Variants in GRIK4 observed in about 807,000 individuals in gnomAD.
GRIK4 encodes glutamate ionotropic receptor kainate type subunit 4, also known as glutamate receptor ionotropic, kainate 4.
GRIK4 carries 40 observed loss-of-function variants against 104.9 expected under a neutral mutation model. The observed-to-expected ratio is 0.38, with a 90% confidence interval of 0.30 to 0.50. The LOEUF is 0.50. Ranked by LOEUF, GRIK4 falls within the 20% of genes least tolerant of loss-of-function variation. The pLI, the probability that GRIK4 is intolerant of heterozygous loss-of-function variation, is 0.93. For missense variants in GRIK4, 1,047 were observed against 1,308.1 expected, an observed-to-expected ratio of 0.80 and a Z score of 3.08; for synonymous variants, 485 against 524.9, an observed-to-expected ratio of 0.92 and a Z score of 1.04.
chr11:120,832,675 C>A (rs1953459839), intron 7 of GRIK4, among the ~76,000 whole-genome samples: 1 of 152,166 alleles, frequency 6.6e-6, no homozygotes, highest in Admixed American at 6.5e-5. Context: ...GGTAGTGTCT[C>A]CTAAGCTCCT....
intron 3 of GRIK4, among the ~76,000 whole-genome samples, chr11:120,793,982 C>T (rs900845957): frequency 9.9e-5 from 14 of 141,154 alleles, no homozygotes; most frequent in African/African-American, 3.2e-4. Context: ...GGCTGAGAGC[C>T]GGGTGATGGT....
chr11:120,728,411 G>A (rs1951069560), intron 3 of GRIK4, among the ~76,000 whole-genome samples: 1 of 152,070 alleles, frequency 6.6e-6, no homozygotes, highest in Non-Finnish European at 1.5e-5. Flanking sequence ...CCCTCCTTCG[G>A]GAATCTGCTA....
rs756422565 is a variant in GRIK4 at position 120,956,892 on chromosome 11, A to G, written c.1813A>G (p.Met605Val). 8.1e-6 allele frequency: 13 copies of G among 1,614,014 alleles called. No homozygotes were observed. In the Admixed American group the frequency reaches 2.2e-4, roughly 27 times the overall value. The change falls in exon 16 of 21, where the codon ATG becomes GTG. Residue 605 changes from methionine (M) to valine (V), a missense_variant. By Grantham distance (21) the Met-to-Val change is conservative (BLOSUM62 1). Coordinates refer to ENST00000527524, the MANE Select transcript of GRIK4 (RefSeq NM_014619.5). This position sits in a 1 kb window ranked among gnomAD's most constrained non-coding sequence, Gnocchi z 4.6. ...NSLWFPVGGFMQQGSTIAPRA... is the reference protein window; with the variant it reads ...NSLWFPVGGFVQQGSTIAPRA... ...CCTCTGGTTTCCGGTCGGGGGGTTC[A>G]TGCAGCAAGGCTCCACCATCGCCCC...
intron 1 of GRIK4, among the ~76,000 whole-genome samples, chr11:120,560,728 T>A (rs1948230552): frequency 6.6e-6 from 1 of 152,198 alleles, no homozygotes; most frequent in African/African-American, 2.4e-5. Flanking sequence ...GTGGCTACCT[T>A]ATTGGGTTGT....
rs1279643648 is a variant in GRIK4 at position 120,660,288 on chromosome 11, C to T, written c.-31C>T. Reference sequence around the variant, plus strand: ...TCGCAGAGTTATGTCATGCCCAGGCCAGCAGGGGGCTCCATGAGGATTCAT... The same window carrying T: ...TCGCAGAGTTATGTCATGCCCAGGCTAGCAGGGGGCTCCATGAGGATTCAT... On this transcript the variant is annotated 5_prime_UTR_variant, in exon 3 of 21. It introduces an in-frame stop codon into an upstream open reading frame of the 5' UTR. Coordinates refer to ENST00000527524, the MANE Select transcript of GRIK4 (RefSeq NM_014619.5). 2.6e-6 allele frequency: 4 copies of T among 1,541,614 alleles called. No individual in the cohort carries two copies. Among genetic ancestry groups the T allele is most frequent in the Non-Finnish European group, 3.6e-6 (4 of 1,115,608 alleles).
At chr11:120,773,824 C>T (rs1951990453) in intron 3 of GRIK4, among the ~76,000 whole-genome samples, 1 of 152,202 alleles carries the variant, frequency 6.6e-6, no homozygotes, top group Non-Finnish European at 1.5e-5. Flanking sequence ...AACTTATACC[C>T]TCTGCTGGTC....
At chr11:120,603,440 A>G (rs1948913916) in intron 1 of GRIK4, among the ~76,000 whole-genome samples, 1 of 152,192 alleles carries the variant, frequency 6.6e-6, no homozygotes, top group Non-Finnish European at 1.5e-5. Flanking sequence ...TTATTTCTGC[A>G]GTTCGTTGTT....
intron 3 of GRIK4, among the ~76,000 whole-genome samples, chr11:120,680,449 G>T (rs933905070): frequency 6.6e-6 from 1 of 152,162 alleles, no homozygotes; most frequent in African/African-American, 2.4e-5. Flanking sequence ...GCCACCATAT[G>T]GGTGACTGCA....
At chr11:120,654,902 G>GCACACAT (rs1210185069) in intron 2 of GRIK4, among the ~76,000 whole-genome samples, 1 of 152,140 alleles carries the variant, frequency 6.6e-6, no homozygotes, top group Non-Finnish European at 1.5e-5. Flanking sequence ...TCAGAGGGCG[G>GCACACAT]CACACATTTG....
At chr11:120,715,492 T>C (rs1263353051) in intron 3 of GRIK4, among the ~76,000 whole-genome samples, 1 of 152,220 alleles carries the variant, frequency 6.6e-6, no homozygotes, top group Non-Finnish European at 1.5e-5. Context: ...ACCCCTGGCC[T>C]AAAGTGTGTT....
Position 120,751,482 on chromosome 11 carries a change from C to T in GRIK4, c.83-51211C>T, listed in dbSNP as rs1951551013. On this transcript the variant is annotated intron_variant, in intron 3 of 20. Coordinates refer to ENST00000527524, the MANE Select transcript of GRIK4 (RefSeq NM_014619.5). ...GCCGATAAGGCTGCCAAGCAGACTC[C>T]CATAAGCCTGTGCTCTGAGAGGGAA... 4.6e-5 allele frequency among the ~76,000 whole-genome samples: 7 copies of T among 152,200 alleles called. 1 individual carries two copies. In the South Asian group the frequency reaches 1.5e-3, roughly 32 times the overall value.
In GRIK4 at chr11:120,982,188, G is replaced by A. The variant is rs1304597586; in HGVS notation, c.2478G>A (p.Glu826=). The A allele has an allele frequency of 3.1e-6, 5 of 1,610,600 alleles. No homozygotes were observed. The African/African-American group carries it at 6.7e-5, about 22-fold the overall frequency. Reference sequence around the variant, plus strand: ...TGGCCATTTTTATGGCTATGTTGGAGTTTTTATGGACTCTCAGACACTCAG... The same window carrying A: ...TGGCCATTTTTATGGCTATGTTGGAATTTTTATGGACTCTCAGACACTCAG... ...LIVAIFMAML[E]FLWTLRHSEA... Residue 826 remains glutamate (E), a synonymous_variant, in exon 20 of 21, where the codon GAG becomes GAA. Coordinates refer to ENST00000527524, the MANE Select transcript of GRIK4 (RefSeq NM_014619.5).
intron 1 of GRIK4, among the ~76,000 whole-genome samples, chr11:120,603,908 T>C (rs1948920287): frequency 6.6e-6 from 1 of 150,718 alleles, no homozygotes; most frequent in African/African-American, 2.4e-5. Flanking sequence ...CGGTGGCTCA[T>C]GCCTATAACC....
intron 6 of GRIK4, among the ~76,000 whole-genome samples, chr11:120,830,476 G>T (rs879303186): frequency 6.6e-6 from 1 of 152,146 alleles, no homozygotes; most frequent in East Asian, 1.9e-4. Context: ...TTTGGCCTGG[G>T]TGGTGAGTAA....
At position 120,766,407 on chromosome 11, in the gene GRIK4, A is replaced by G. The variant is rs539979968; in HGVS notation, c.83-36286A>G. ...GCTGGGCTCAGTGAGGGTGGGATCC[A>G]CTGAGCAAGACCACTTGGCTCCCTG... is the stretch of plus-strand genomic sequence containing the variant. On this transcript the variant is annotated intron_variant, in intron 3 of 20. Coordinates refer to ENST00000527524, the MANE Select transcript of GRIK4 (RefSeq NM_014619.5). 9.8e-5 allele frequency among the ~76,000 whole-genome samples: 15 copies of G among 152,296 alleles called. No individual in the cohort carries two copies. In the East Asian group the frequency reaches 2.9e-3, roughly 29 times the overall value.
chr11:120,922,368 G>A (rs1002286053), intron 13 of GRIK4, among the ~76,000 whole-genome samples: 6 of 152,122 alleles, frequency 3.9e-5, no homozygotes, highest in Admixed American at 2.0e-4. Flanking sequence ...GCCACCTCTC[G>A]CTTATAGGGT....
chr11:120,860,595 C>T (rs1378885270), intron 8 of GRIK4, among the ~76,000 whole-genome samples: 3 of 152,240 alleles, frequency 2.0e-5, no homozygotes, highest in East Asian at 3.9e-4. Context: ...TATGAAATGA[C>T]GATGAATTTG....
chr11:120,741,196 T>C lies in GRIK4; in HGVS notation c.83-61497T>C, dbSNP rs534156836. Among the ~76,000 whole-genome samples the C allele has an allele frequency of 3.9e-5, 6 of 152,132 alleles. No individual in the cohort carries two copies. The South Asian group carries it at 1.2e-3, about 32-fold the overall frequency. On this transcript the variant is annotated intron_variant, in intron 3 of 20. Coordinates refer to ENST00000527524, the MANE Select transcript of GRIK4 (RefSeq NM_014619.5). ...TATCCTCCACTTTACAATTGAGGAA[T>C]TAGAGACACAGAGAAAGAAGTTAAG...
chr11:120,983,210 G>C (rs1279981648), intron 20 of GRIK4, among the ~76,000 whole-genome samples: 4 of 152,060 alleles, frequency 2.6e-5, no homozygotes, highest in African/African-American at 7.2e-5. Context: ...TTTTCTGCCT[G>C]CTCTTTCTCC....
Sources: gnomAD v4.1 joint callset for allele counts (sites outside exome capture counted in the v4.1 genomes callset) on GRCh38, gnomAD v4.1.1 for gene constraint, Gnocchi (gnomAD v3.1) non-coding constraint, MANE v1.5 for transcripts, NCBI Gene and HGNC (gene_info 2026-07-23, HGNC 2026-07-21) for gene names.